The following NCBP1 variants were observed in gnomAD, a reference collection of about 807,000 sequenced individuals.
The protein encoded by NCBP1 is nuclear cap binding protein subunit 1.
A neutral mutation model predicts 111.7 loss-of-function variants in NCBP1; 16 were observed. The observed-to-expected ratio is 0.14, with a 90% CI of 0.10 to 0.22. The LOEUF (loss-of-function observed/expected upper bound fraction) is 0.22. NCBP1 is among the 10% of genes least tolerant of loss of function. The pLI, the probability that NCBP1 is intolerant of heterozygous loss-of-function variation, is 1.00. For missense variants in NCBP1, 607 were observed against 957.5 expected (o/e 0.63, Z 4.83); for synonymous variants, 304 against 314.3 (o/e 0.97, Z 0.35).
chr9:97,654,025 TTG>T (rs529955360), intron 11 of NCBP1, 117 bp downstream of exon 11: 6 of 775,608 alleles, frequency 7.7e-6, no homozygotes, highest in South Asian at 1.9e-5. Flanking sequence ...TTGAAGTGTG[TTG>T]TGTGTGTGTA....
intron 19 of NCBP1, among the ~76,000 whole-genome samples, chr9:97,666,550 G>T (rs1828008607): frequency 6.6e-6 from 1 of 152,164 alleles, no homozygotes; most frequent in Non-Finnish European, 1.5e-5. Context: ...GCCCTCAGGG[G>T]GCTCGCCTGA....
intron 14 of NCBP1, among the ~76,000 whole-genome samples, chr9:97,657,860 G>A (rs715749): frequency 0.86 from 126,646 of 146,550 alleles, 54,855 homozygotes; most frequent in Middle Eastern, 0.91. Context: ...ATTGTCCCTG[G>A]TATGTACATG....
chr9:97,648,557 C>T (rs1827411665), intron 8 of NCBP1, among the ~76,000 whole-genome samples: 1 of 152,120 alleles, frequency 6.6e-6, no homozygotes, highest in Non-Finnish European at 1.5e-5. Context: ...ATTTACCTCC[C>T]TGTGCTTTCA....
chr9:97,640,725 A>C, intron 1 of NCBP1, 69 bp from the exon 2 acceptor site: 1 of 1,234,890 alleles, frequency 8.1e-7, no homozygotes. Flanking sequence ...TTATAACCTA[A>C]AAAGGTTAAA....
At chr9:97,640,980 G>C (rs1827190552) in intron 2 of NCBP1, 98 bp downstream of exon 2, 2 of 883,874 alleles carry the variant, frequency 2.3e-6, no homozygotes, top group African/African-American at 3.5e-5. Context: ...CTACATTTTG[G>C]CAAAGCTGGT....
intron 11 of NCBP1, among the ~76,000 whole-genome samples, chr9:97,654,145 T>G (rs1827575174): frequency 6.6e-6 from 1 of 152,102 alleles, no homozygotes; most frequent in Non-Finnish European, 1.5e-5. Context: ...ACAATAAAAT[T>G]TGTTGCCTAG....
intron 3 of NCBP1, among the ~76,000 whole-genome samples, chr9:97,642,441 C>T (rs1300181281): frequency 1.3e-5 from 2 of 152,020 alleles, no homozygotes; most frequent in Admixed American, 6.6e-5. Flanking sequence ...GAAAACAAGT[C>T]AAAGAGAATC....
chr9:97,667,882 T>C (rs574385425), intron 20 of NCBP1, among the ~76,000 whole-genome samples: 1 of 152,306 alleles, frequency 6.6e-6, no homozygotes, highest in South Asian at 2.1e-4. Context: ...GTCTATCTAT[T>C]AGGTAGTAGT....
chr9:97,651,343 C>T lies in NCBP1; in HGVS notation c.1029C>T (p.Asn343=), dbSNP rs775570391. The part of the protein sequence containing the change: ...AAQLVSYPGK[N]KIPLNYHIVE... ...AGTTAGTGAGCTATCCAGGGAAGAACAAGATCCCCTTGAACTACCACATAG... is the reference window on the plus strand; with the variant it reads ...AGTTAGTGAGCTATCCAGGGAAGAATAAGATCCCCTTGAACTACCACATAG... The change falls in exon 10 of 23, where the codon AAC becomes AAT. Residue 343 remains asparagine (N), a synonymous_variant. Coordinates refer to ENST00000375147, the MANE Select transcript of NCBP1 (RefSeq NM_002486.5). 1.2e-6 allele frequency: 2 copies of T among 1,613,432 alleles called. No individual in the cohort carries two copies. Among genetic ancestry groups the T allele is most frequent in the Admixed American group, 3.3e-5 (2 of 59,962 alleles).
intron 21 of NCBP1, among the ~76,000 whole-genome samples, chr9:97,669,360 G>T (rs1828107066): frequency 6.6e-6 from 1 of 152,118 alleles, no homozygotes; most frequent in African/African-American, 2.4e-5. Context: ...ATATTACTAG[G>T]ATAAGTAATT....
chr9:97,641,538 T>C, intron 2 of NCBP1, 24 bp from the exon 3 acceptor site: 1 of 1,543,632 alleles, frequency 6.5e-7, no homozygotes, highest in South Asian at 1.3e-5. Context: ...ACTTGACAGA[T>C]ATTTAATGTG....
At chr9:97,639,814 C>A (rs1337814093) in intron 1 of NCBP1, among the ~76,000 whole-genome samples, 3 of 152,110 alleles carry the variant, frequency 2.0e-5, no homozygotes, top group Admixed American at 1.3e-4. Context: ...GTAAGAGATA[C>A]AAACAGCAAG....
At chr9:97,640,485 ATGT>A (rs1206337493) in intron 1 of NCBP1, among the ~76,000 whole-genome samples, 5 of 152,152 alleles carry the variant, frequency 3.3e-5, no homozygotes, top group Non-Finnish European at 7.4e-5. Context: ...AGTGTTTAAC[ATGT>A]TGTTGGCAGC....
At chr9:97,654,811 C>T in intron 11 of NCBP1, 69 bp from the exon 12 acceptor site, 1 of 1,287,112 alleles carries the variant, frequency 7.8e-7, no homozygotes, top group Non-Finnish European at 1.1e-6. Context: ...TGTTTTATTT[C>T]TATTCTTGTC....
intron 7 of NCBP1, 125 bp downstream of exon 7, chr9:97,647,686 C>G (rs1827385081): frequency 1.0e-5 from 8 of 790,048 alleles, no homozygotes; most frequent in Middle Eastern, 2.3e-4. Context: ...CATGATAGTT[C>G]CTTCTCATAG....
intron 21 of NCBP1, 62 bp from the exon 22 acceptor site, chr9:97,669,531 A>AT (rs1456971153): frequency 1.7e-6 from 2 of 1,194,974 alleles, no homozygotes; most frequent in Non-Finnish European, 2.5e-6. Context: ...TTTGTCATGA[A>AT]TTTTTTTCCA....
intron 22 of NCBP1, 188 bp downstream of exon 22, chr9:97,669,894 T>C: frequency 1.5e-6 from 1 of 645,778 alleles, no homozygotes; most frequent in Non-Finnish European, 2.8e-6. Flanking sequence ...ACCACTTAGA[T>C]TCCTAATTGC....
At chr9:97,662,435 C>G (rs917008419) in intron 17 of NCBP1, among the ~76,000 whole-genome samples, 2 of 152,124 alleles carry the variant, frequency 1.3e-5, no homozygotes, top group South Asian at 2.1e-4. Context: ...GAAGTTCCCA[C>G]GCTAAATATC....
In NCBP1 at chr9:97,672,425, A is replaced by G. The variant is rs1828219958; in HGVS notation, c.*1226A>G. 6.6e-6 allele frequency: 1 copy of G among 152,252 alleles called. No individual in the cohort carries two copies. Among genetic ancestry groups the G allele is most frequent in the Non-Finnish European group, 1.5e-5 (1 of 68,042 alleles). The allele number at this position is 152,252 out of a possible 1,614,324, so 9.4% of individuals were successfully genotyped here. On this transcript the variant is annotated 3_prime_UTR_variant, in exon 23 of 23. Coordinates refer to ENST00000375147, the MANE Select transcript of NCBP1 (RefSeq NM_002486.5). ...CTACAGAATGTAGTCTGCTTAATAA[A>G]TGGGAATTCCTAGAATGTTTAAATA...
Sources: gnomAD v4.1 joint callset for allele counts (sites outside exome capture counted in the v4.1 genomes callset) on GRCh38, gnomAD v4.1.1 for gene constraint, MANE v1.5 for transcripts, NCBI Gene and HGNC (gene_info 2026-07-23, HGNC 2026-07-21) for gene names.